The following CD47 variants were observed in gnomAD, a reference collection of about 807,000 sequenced individuals.
CD47 encodes leukocyte surface antigen CD47.
CD47 carries 11 observed loss-of-function variants against 44.6 expected under a neutral mutation model. The ratio of observed to expected loss-of-function variants is 0.25; its 90% CI spans 0.16 to 0.41. The LOEUF (loss-of-function observed/expected upper bound fraction) is 0.41, where lower values mean the gene tolerates loss of function less well. CD47 is among the 10% of genes least tolerant of loss of function. CD47 has a pLI of 1.00. For missense variants in CD47, 306 were observed against 386.7 expected (o/e 0.79, Z 1.75); for synonymous variants, 140 against 136.3 (o/e 1.03, Z -0.19).
intron 1 of CD47, among the ~76,000 whole-genome samples, chr3:108,085,584 T>C (rs773470592): frequency 3.9e-5 from 6 of 152,182 alleles, no homozygotes; most frequent in Non-Finnish European, 1.5e-5. Context: ...CTCAATTGTA[T>C]TCTTCCCCTC....
chr3:108,087,452 G>C (rs1360326980), intron 1 of CD47, among the ~76,000 whole-genome samples: 1 of 152,148 alleles, frequency 6.6e-6, no homozygotes, highest in Non-Finnish European at 1.5e-5. Flanking sequence ...GCCTTAACAA[G>C]CACCTAAGTA....
At position 108,079,561 on chromosome 3, in the gene CD47, T is replaced by C. The variant is rs1423202197; in HGVS notation, c.400+430A>G. 5.8e-5 allele frequency among the ~76,000 whole-genome samples: 5 copies of C among 86,874 alleles called. No homozygotes were observed. In the East Asian group the frequency reaches 1.9e-3, roughly 33 times the overall value. 57.0% of individuals were successfully genotyped at this position (86,874 alleles called of 152,430 possible). On this transcript the variant is annotated intron_variant, in intron 2 of 10. Coordinates refer to ENST00000361309, the MANE Select transcript of CD47 (RefSeq NM_001777.4). ...GACTTGTCATCCCTTGGTCAAAGTG[T>C]AAGGTTAAAAAAAAAAAAAAAAAAA...
At chr3:108,085,379 A>G (rs1178983164) in intron 1 of CD47, among the ~76,000 whole-genome samples, 1 of 152,118 alleles carries the variant, frequency 6.6e-6, no homozygotes, top group South Asian at 2.1e-4. Flanking sequence ...CAGTTTCCTC[A>G]TCTATAAAAT....
chr3:108,081,733 T>C (rs1313992408), intron 1 of CD47, among the ~76,000 whole-genome samples: 2 of 151,980 alleles, frequency 1.3e-5, no homozygotes, highest in Non-Finnish European at 2.9e-5. Context: ...GTGTTGAGCA[T>C]TAACATGGAA....
At chr3:108,090,009 G>T (rs186928429) in intron 1 of CD47, among the ~76,000 whole-genome samples, 1 of 150,038 alleles carries the variant, frequency 6.7e-6, no homozygotes, top group Non-Finnish European at 1.5e-5. Context: ...GGGTGGGGGT[G>T]GGGGGGTGGA....
At chr3:108,050,039 G>C (rs2078799010) in intron 9 of CD47, among the ~76,000 whole-genome samples, 1 of 152,138 alleles carries the variant, frequency 6.6e-6, no homozygotes, top group Non-Finnish European at 1.5e-5. Context: ...AATATCACTT[G>C]GTTAAGGTAA....
intron 6 of CD47, among the ~76,000 whole-genome samples, chr3:108,058,076 T>A (rs1176316973): frequency 2.0e-5 from 3 of 152,174 alleles, no homozygotes; most frequent in Non-Finnish European, 2.9e-5. Flanking sequence ...TACAGAGAGT[T>A]TGGCAGTTTA....
At chr3:108,056,888 T>C (rs1182860612) in intron 7 of CD47, among the ~76,000 whole-genome samples, 1 of 152,210 alleles carries the variant, frequency 6.6e-6, no homozygotes. Flanking sequence ...AAAGCCTAAA[T>C]TTTGAAACTC....
At chr3:108,072,825 T>C (rs2079231904) in intron 2 of CD47, among the ~76,000 whole-genome samples, 1 of 152,284 alleles carries the variant, frequency 6.6e-6, no homozygotes. Context: ...TTACTTCCCC[T>C]GTGCTTTTGT....
intron 1 of CD47, among the ~76,000 whole-genome samples, chr3:108,088,472 C>G (rs1298216315): frequency 2.6e-5 from 4 of 152,090 alleles, no homozygotes; most frequent in Non-Finnish European, 5.9e-5. Flanking sequence ...TAAATACGTA[C>G]TTTTAAATAG....
chr3:108,071,454 C>T (rs1283028022), intron 2 of CD47, among the ~76,000 whole-genome samples: 1 of 152,172 alleles, frequency 6.6e-6, no homozygotes, highest in Non-Finnish European at 1.5e-5. Context: ...TAGTGCAGTG[C>T]AGTGGCTGAG....
chr3:108,089,638 T>C (rs1267615819), intron 1 of CD47, among the ~76,000 whole-genome samples: 2 of 152,116 alleles, frequency 1.3e-5, no homozygotes, highest in East Asian at 1.9e-4. Flanking sequence ...ATCAACCATT[T>C]AGATAACGGA....
intron 3 of CD47, among the ~76,000 whole-genome samples, chr3:108,065,921 AATATTTATTGT>A (rs1334161299): frequency 1.3e-5 from 2 of 151,324 alleles, no homozygotes; most frequent in African/African-American, 4.9e-5. Context: ...TCTTTGTGAT[AATATTTATTGT>A]ATATTTTACT....
chr3:108,066,480 A>G (rs6771677), intron 3 of CD47, among the ~76,000 whole-genome samples: 14,951 of 152,276 alleles, frequency 0.098, 1,485 homozygotes, highest in East Asian at 0.55. Flanking sequence ...TAAATAGCAG[A>G]TGTCCCATCA....
At chr3:108,079,585 A>AAAAC (rs2079376919) in intron 2 of CD47, among the ~76,000 whole-genome samples, 1 of 137,810 alleles carries the variant, frequency 7.3e-6, no homozygotes, top group Admixed American at 7.2e-5. Flanking sequence ...AAAAAAAAAA[A>AAAAC]AAAAAAAAAA....
intron 8 of CD47, 92 bp from the exon 9 acceptor site, chr3:108,050,694 G>A (rs1013022701): frequency 3.8e-6 from 2 of 527,268 alleles, no homozygotes; most frequent in African/African-American, 2.0e-5. Flanking sequence ...TTTAAATTAC[G>A]TAGTAAGCAG....
intron 7 of CD47, chr3:108,055,496 A>G (rs1238727648): frequency 7.9e-7 from 1 of 1,258,106 alleles, no homozygotes; most frequent in South Asian, 1.3e-5. Context: ...CTACCATGTT[A>G]TCTAAAGAGC....
At chr3:108,072,460 T>C (rs1375305333) in intron 2 of CD47, among the ~76,000 whole-genome samples, 2 of 152,224 alleles carry the variant, frequency 1.3e-5, no homozygotes, top group African/African-American at 2.4e-5. Flanking sequence ...TTTATAGATA[T>C]TAGCTTTTCA....
chr3:108,065,849 T>C (rs1443103741), intron 3 of CD47, among the ~76,000 whole-genome samples: 1 of 129,922 alleles, frequency 7.7e-6, no homozygotes, highest in Non-Finnish European at 1.6e-5. Flanking sequence ...AAAAAAGAAT[T>C]CACAGTAAAC....
Sources: gnomAD v4.1 joint callset for allele counts (sites outside exome capture counted in the v4.1 genomes callset) on GRCh38, gnomAD v4.1.1 for gene constraint, MANE v1.5 for transcripts, NCBI Gene and HGNC (gene_info 2026-07-23, HGNC 2026-07-21) for gene names.